Variants in PRKG1 observed in about 807,000 individuals in gnomAD.
PRKG1 encodes the protein protein kinase cGMP-dependent 1.
Under a neutral mutation model 88.1 loss-of-function variants are expected in PRKG1, and 35 were observed. The ratio of observed to expected loss-of-function variants is 0.40; its 90% CI spans 0.30 to 0.53. PRKG1 has a LOEUF of 0.53. Among genes scored for constraint, PRKG1 ranks in the 20% least tolerant of loss-of-function variants. PRKG1 has a pLI of 0.59. For synonymous variants in PRKG1, 303 were observed against 292.5 expected (o/e 1.04, Z -0.37); for missense variants, 540 against 839.8 (o/e 0.64, Z 4.41).
chr10:52,102,590 C>T (rs367891936), intron 7 of PRKG1, among the ~76,000 whole-genome samples: 2 of 112,250 alleles, frequency 1.8e-5, no homozygotes, highest in African/African-American at 6.4e-5. Flanking sequence ...GTGGATATGG[C>T]AAAAAAAAGA....
At chr10:51,652,098 T>C (rs1840053457) in intron 3 of PRKG1, among the ~76,000 whole-genome samples, 1 of 152,222 alleles carries the variant, frequency 6.6e-6, no homozygotes, top group South Asian at 2.1e-4. Context: ...GTAATAACTT[T>C]ATTTTAAGAG....
In PRKG1 at chr10:52,136,847, A is replaced by G. The variant is rs143462486; in HGVS notation, c.1001+2942A>G. Among the ~76,000 whole-genome samples the G allele has an allele frequency of 4.0e-3, 603 of 152,146 alleles. 3 individuals are homozygous for G. The highest frequency in any genetic ancestry group is 0.012 in the African/African-American group (488 of 41,552). ...GGTTTATCTTCAGGGTTATATACGG[A>G]GAAGAAACCTTGAGAGAGGTCTACC... is the stretch of plus-strand genomic sequence containing the variant. On this transcript the variant is annotated intron_variant, in intron 8 of 17. Coordinates refer to ENST00000373980, the MANE Select transcript of PRKG1 (RefSeq NM_006258.4).
chr10:51,923,049 T>C (rs1437161766), intron 5 of PRKG1, among the ~76,000 whole-genome samples: 2 of 152,028 alleles, frequency 1.3e-5, no homozygotes, highest in African/African-American at 4.8e-5. Context: ...GTTTTATCAG[T>C]TTTTGCCTCA....
intron 2 of PRKG1, among the ~76,000 whole-genome samples, chr10:51,413,135 T>C (rs1448589110): frequency 6.6e-6 from 1 of 152,164 alleles, no homozygotes; most frequent in Non-Finnish European, 1.5e-5. Context: ...ATGACAAATA[T>C]GATTTGCTAT....
chr10:51,031,727 G>A (rs1843286622), intron 1 of PRKG1, among the ~76,000 whole-genome samples: 1 of 152,106 alleles, frequency 6.6e-6, no homozygotes, highest in African/African-American at 2.4e-5. Flanking sequence ...ACCAGTATGT[G>A]GTCAAAATGC....
chr10:51,515,212 G>A (rs367629974), intron 3 of PRKG1, among the ~76,000 whole-genome samples: 36 of 152,066 alleles, frequency 2.4e-4, no homozygotes, highest in African/African-American at 8.4e-4. Flanking sequence ...AACCAAGAAA[G>A]ACAAAATAGG....
chr10:51,822,765 C>T (rs1253292936), intron 4 of PRKG1, among the ~76,000 whole-genome samples: 1 of 152,018 alleles, frequency 6.6e-6, no homozygotes, highest in African/African-American at 2.4e-5. Flanking sequence ...CCTGTGTTTC[C>T]CTTGTGTGGT....
intron 3 of PRKG1, among the ~76,000 whole-genome samples, chr10:51,533,279 A>G (rs1463996134): frequency 1.3e-5 from 2 of 152,252 alleles, no homozygotes; most frequent in African/African-American, 4.8e-5. Flanking sequence ...CAAGGAATTT[A>G]ACTTTTTCAC....
chr10:51,030,173 T>C (rs1219428216), intron 1 of PRKG1, among the ~76,000 whole-genome samples: 1 of 152,048 alleles, frequency 6.6e-6, no homozygotes, highest in Non-Finnish European at 1.5e-5. Context: ...ATCTTTAGGG[T>C]CAAATAAATA....
intron 3 of PRKG1, among the ~76,000 whole-genome samples, chr10:51,484,047 ACT>A (rs1459926957): frequency 6.6e-6 from 1 of 152,128 alleles, no homozygotes; most frequent in Admixed American, 6.6e-5. Context: ...TCTACTAGTG[ACT>A]CTGAAAATAT....
At chr10:51,795,988 C>T (rs960806889) in intron 3 of PRKG1, among the ~76,000 whole-genome samples, 3 of 152,086 alleles carry the variant, frequency 2.0e-5, no homozygotes, top group African/African-American at 7.2e-5. Flanking sequence ...TGTTCTACTG[C>T]AGGGGAAACA....
intron 2 of PRKG1, among the ~76,000 whole-genome samples, chr10:51,237,204 C>T (rs1467878149): frequency 1.3e-5 from 2 of 152,182 alleles, no homozygotes; most frequent in Non-Finnish European, 2.9e-5. Flanking sequence ...TAATGTTTTA[C>T]CTTACCAAAG....
intron 3 of PRKG1, among the ~76,000 whole-genome samples, chr10:51,678,526 T>C (rs940219398): frequency 5.3e-5 from 8 of 152,194 alleles, no homozygotes; most frequent in South Asian, 2.1e-4. Flanking sequence ...AATTCTAATA[T>C]GCAGTCAGCA....
At chr10:52,166,800 T>TATATATATATATATAC (rs1564498406) in intron 9 of PRKG1, among the ~76,000 whole-genome samples, 24 of 1,358 alleles carry the variant, frequency 0.018, no homozygotes, top group African/African-American at 0.019. Flanking sequence ...TATATATACA[T>TATATATATATATATAC]ATATATATGT....
chr10:51,961,401 G>T (rs1195915209), intron 5 of PRKG1, among the ~76,000 whole-genome samples: 2 of 152,118 alleles, frequency 1.3e-5, no homozygotes, highest in African/African-American at 2.4e-5. Flanking sequence ...AAAAGAATCT[G>T]CATTTAAGCA....
intron 7 of PRKG1, among the ~76,000 whole-genome samples, chr10:52,064,563 C>T (rs1846312272): frequency 6.6e-6 from 1 of 152,216 alleles, no homozygotes; most frequent in Non-Finnish European, 1.5e-5. Context: ...GCAGCTGTAG[C>T]TGCACCGGGG....
chr10:52,013,561 A>T (rs958265410), intron 5 of PRKG1, among the ~76,000 whole-genome samples: 1 of 152,230 alleles, frequency 6.6e-6, no homozygotes, highest in African/African-American at 2.4e-5. Context: ...GGACAGTCCT[A>T]AACTATAGGT....
chr10:51,294,475 C>T (rs1002877252), intron 2 of PRKG1, among the ~76,000 whole-genome samples: 2 of 142,582 alleles, frequency 1.4e-5, no homozygotes, highest in Non-Finnish European at 3.1e-5. Context: ...GGAGACCATC[C>T]TTTCCCCAGT....
chr10:51,072,086 T>C (rs182755435), upstream of PRKG1, among the ~76,000 whole-genome samples: 1,221 of 152,146 alleles, frequency 8.0e-3, 19 homozygotes, highest in East Asian at 0.046. Context: ...TCCCAGCTAC[T>C]CCGGAGGCTG....
Sources: allele counts gnomAD v4.1 joint callset (sites outside exome capture counted in the v4.1 genomes callset), GRCh38; gene constraint gnomAD v4.1.1; transcripts MANE v1.5; gene names NCBI Gene and HGNC (gene_info 2026-07-23, HGNC 2026-07-21).